EAF1: variants seen among roughly 807,000 people sequenced by gnomAD.
The protein encoded by EAF1 is ELL associated factor 1, also known as ELL-associated factor 1.
EAF1 carries 19 observed loss-of-function variants against 26.6 expected under a neutral mutation model. The ratio of observed to expected loss-of-function variants is 0.71; its 90% CI spans 0.50 to 1.05. EAF1 has a LOEUF of 1.05. EAF1 is among the 50% of genes least tolerant of loss of function. The probability of loss-of-function intolerance (pLI) is 0.00; values close to 1 mark genes in which losing one functional copy is unlikely to be tolerated. For synonymous variants in EAF1, 102 were observed against 120.6 expected (o/e 0.85, Z 1.01); for missense variants, 260 against 335.5 (o/e 0.78, Z 1.76).
rs2061867673 is a variant in EAF1, at chr3:15,441,219, C to G, written c.*2064C>G. On this transcript the variant is annotated 3_prime_UTR_variant, in exon 6 of 6. Coordinates refer to ENST00000396842, the MANE Select transcript of EAF1 (RefSeq NM_033083.7). ...CTTCAATTTTGTTCTCTGCACAAAG[C>G]CTTTGGTGGTTCTGCCCTCTGCCCT... 6.5e-6 allele frequency: 1 copy of G among 153,822 alleles called. No individual in the cohort carries two copies. The highest frequency in any genetic ancestry group is 2.1e-4 in the South Asian group (1 of 4,834). The allele number at this position is 153,822 out of a possible 1,614,324, so 9.5% of individuals were successfully genotyped here. A position where few individuals can be genotyped will look rare whatever the true frequency, so the allele number is the denominator to read the frequency against.
In EAF1 at chr3:15,440,249, ACT is replaced by A. The variant is rs1306662461; in HGVS notation, c.*1095_*1096del. The A allele has an allele frequency of 6.6e-6, 1 of 152,092 alleles. No homozygotes were observed. Among genetic ancestry groups the A allele is most frequent in the East Asian group, 1.9e-4 (1 of 5,200 alleles). 9.4% of individuals were successfully genotyped at this position (152,092 alleles called of 1,614,324 possible). A position where few individuals can be genotyped will look rare whatever the true frequency, so the allele number is the denominator to read the frequency against. The stretch of plus-strand genomic sequence containing the variant: ...GCGTATCTATTCATGCTTTTGTACC[ACT>A]GTTTTGTACCTGACTCCCTGACCGA... On this transcript the variant is annotated 3_prime_UTR_variant, in exon 6 of 6. Coordinates refer to ENST00000396842, the MANE Select transcript of EAF1 (RefSeq NM_033083.7).
intron 1 of EAF1, among the ~76,000 whole-genome samples, chr3:15,429,504 C>T (rs2061789099): frequency 6.6e-6 from 1 of 152,144 alleles, no homozygotes; most frequent in Non-Finnish European, 1.5e-5. Flanking sequence ...TACTTTTGAT[C>T]CTCACAACCC....
intron 3 of EAF1, chr3:15,433,206 GAAGT>G (rs1307346680): frequency 7.1e-6 from 1 of 141,282 alleles, no homozygotes; most frequent in Non-Finnish European, 1.5e-5. Flanking sequence ...ATGTGCTGCC[GAAGT>G]GAGTACGAAA....
At position 15,429,956 on chromosome 3, in the gene EAF1, G is replaced by A; in HGVS notation, c.147G>A (p.Glu49=). Residue 49 remains glutamate (E), a synonymous_variant, in exon 2 of 6, where the codon GAG becomes GAA. Transcript: ENST00000396842. The part of the protein sequence containing the change: ...PASIDTSCEG[E]LQVGKGDEVT... ...CTATAGACACTTCCTGTGAAGGAGAGCTTCAAGTTGGCAAAGGAGATGAAG... is the reference window on the plus strand; with the variant it reads ...CTATAGACACTTCCTGTGAAGGAGAACTTCAAGTTGGCAAAGGAGATGAAG... 6.2e-7 allele frequency: 1 copy of A among 1,613,148 alleles called. No individual in the cohort carries two copies. The highest frequency in any genetic ancestry group is 8.5e-7 in the Non-Finnish European group (1 of 1,179,762).
In EAF1 at chr3:15,436,448, T is replaced by G; in HGVS notation, c.633T>G (p.Ser211Arg). ...SSGSDDDSSS[S>R]GGEDNGPASP... ...GAAGTGATGACGATAGCTCCAGCAG[T>G]GGAGGCGAGGACAATGGCCCAGCCT... The change falls in exon 5 of 6, where the codon AGT (serine) becomes AGG (arginine). Residue 211 changes from serine (S) to arginine (R), a missense_variant. Coordinates refer to ENST00000396842, the MANE Select transcript of EAF1 (RefSeq NM_033083.7). 3 of 1,613,784 alleles carry G rather than the reference T, an allele frequency of 1.9e-6. No homozygotes were observed. The highest frequency in any genetic ancestry group is 2.5e-6 in the Non-Finnish European group (3 of 1,179,722).
At chr3:15,430,288 G>C (rs144533071) in intron 2 of EAF1, among the ~76,000 whole-genome samples, 59 of 151,856 alleles carry the variant, frequency 3.9e-4, no homozygotes, top group African/African-American at 1.1e-3. Context: ...GTGAAACCCC[G>C]TCTGTACCAA....
Position 15,427,769 on chromosome 3 carries a change from G to A in EAF1, c.-11G>A, listed in dbSNP as rs1410372985. Reference sequence around the variant, plus strand: ...AGAGCGCCGATCTGGGTGCGAGGCAGGTGCGGGGCCATGAATGGGACCGCA... The same window carrying A: ...AGAGCGCCGATCTGGGTGCGAGGCAAGTGCGGGGCCATGAATGGGACCGCA... On this transcript the variant is annotated 5_prime_UTR_variant, in exon 1 of 6. Transcript: ENST00000396842. The A allele has an allele frequency of 1.9e-6, 3 of 1,550,858 alleles. No homozygotes were observed. Among genetic ancestry groups the A allele is most frequent in the South Asian group, 2.4e-5 (2 of 84,026 alleles).
Position 15,441,225 on chromosome 3 carries a change from G to A in EAF1, c.*2070G>A, listed in dbSNP as rs2061867744. Reference sequence around the variant, plus strand: ...TTTTGTTCTCTGCACAAAGCCTTTGGTGGTTCTGCCCTCTGCCCTCCAGCT... The same window carrying A: ...TTTTGTTCTCTGCACAAAGCCTTTGATGGTTCTGCCCTCTGCCCTCCAGCT... On this transcript the variant is annotated 3_prime_UTR_variant, in exon 6 of 6. Coordinates refer to ENST00000396842, the MANE Select transcript of EAF1 (RefSeq NM_033083.7). The A allele has an allele frequency of 6.5e-6, 1 of 153,786 alleles. No individual in the cohort carries two copies. Among genetic ancestry groups the A allele is most frequent in the Non-Finnish European group, 1.5e-5 (1 of 68,140 alleles). 9.5% of individuals were successfully genotyped at this position (153,786 alleles called of 1,614,324 possible).
intron 2 of EAF1, among the ~76,000 whole-genome samples, chr3:15,431,666 A>G (rs774106422): frequency 2.6e-5 from 4 of 152,212 alleles, no homozygotes; most frequent in Non-Finnish European, 5.9e-5. Context: ...CAACCAGGAT[A>G]ATGACCTTCT....
Position 15,427,649 on chromosome 3 carries a change from G to C in EAF1, c.-131G>C. ...AACTTGCTTCTGGACCCGGGTGGGT[G>C]CCGGCTCGGCTCTCCTTGTCTTCCA... On this transcript the variant is annotated 5_prime_UTR_variant, in exon 1 of 6. Transcript: ENST00000396842. The C allele has an allele frequency of 1.1e-6, 1 of 935,614 alleles. No individual in the cohort carries two copies. The highest frequency in any genetic ancestry group is 1.6e-6 in the Non-Finnish European group (1 of 608,996). The allele number at this position is 935,614 out of a possible 1,614,324, so 58.0% of individuals were successfully genotyped here. A position where few individuals can be genotyped will look rare whatever the true frequency, so the allele number is the denominator to read the frequency against.
chr3:15,438,726 C>T (rs956627945), intron 5 of EAF1: 15 of 160,172 alleles, frequency 9.4e-5, no homozygotes, highest in East Asian at 1.8e-4. Flanking sequence ...GGTTTCGCCA[C>T]GTTGGCCAGG....
rs2061833284 is a variant in EAF1, at chr3:15,436,130, G to A, written c.527-212G>A. On this transcript the variant is annotated intron_variant, in intron 4 of 5. Transcript: ENST00000396842. ...GTCTTGCTTTTTATTTATTTTGAGT[G>A]AATTTAATGTTTCCATTGTGTCTCT... The A allele has an allele frequency of 1.5e-5, 6 of 401,618 alleles. No homozygotes were observed. The South Asian group carries it at 3.5e-4, about 24-fold the overall frequency. The allele number at this position is 401,618 out of a possible 1,614,324, so 24.9% of individuals were successfully genotyped here.
intron 3 of EAF1, among the ~76,000 whole-genome samples, chr3:15,433,791 G>A (rs2061817307): frequency 6.6e-6 from 1 of 152,180 alleles, no homozygotes; most frequent in African/African-American, 2.4e-5. Flanking sequence ...ATATGACAGT[G>A]GTCCCTTAAG....
At position 15,433,924 on chromosome 3, in the gene EAF1, A is replaced by G. The variant is rs75789806; in HGVS notation, c.336-424A>G. Reference sequence around the variant, plus strand: ...GGACATTTGGGTTTTCATGTGAAAAAATTATATGCTATATTGGTTTGCATA... The same window carrying G: ...GGACATTTGGGTTTTCATGTGAAAAGATTATATGCTATATTGGTTTGCATA... On this transcript the variant is annotated intron_variant, in intron 3 of 5. Transcript: ENST00000396842. Among the ~76,000 whole-genome samples the G allele has an allele frequency of 2.8e-3, 434 of 152,334 alleles. 3 individuals are homozygous for G. The highest frequency in any genetic ancestry group is 0.01 in the African/African-American group (426 of 41,572).
Position 15,440,128 on chromosome 3 carries a change from G to A in EAF1, c.*973G>A, listed in dbSNP as rs1419419992. 1 of 152,178 alleles carries A rather than the reference G, an allele frequency of 6.6e-6. No individual in the cohort carries two copies. Among genetic ancestry groups the A allele is most frequent in the East Asian group, 1.9e-4 (1 of 5,194 alleles). The allele number at this position is 152,178 out of a possible 1,614,324, so 9.4% of individuals were successfully genotyped here. On this transcript the variant is annotated 3_prime_UTR_variant, in exon 6 of 6. Transcript: ENST00000396842. Reference sequence around the variant, plus strand: ...GGTAGGAGTGGAAGAGAGGTGTGAAGAAACCTCTCCGAACAAATGAACCAG... The same window carrying A: ...GGTAGGAGTGGAAGAGAGGTGTGAAAAAACCTCTCCGAACAAATGAACCAG...
rs532736567 is a variant in EAF1 at position 15,433,604 on chromosome 3, G to A, written c.336-744G>A. ...AACTGATAGAATATTCTCAGCTTGG[G>A]ATGGAATTCTGCTTGTCTGCCAGCA... On this transcript the variant is annotated intron_variant, in intron 3 of 5. Coordinates refer to ENST00000396842, the MANE Select transcript of EAF1 (RefSeq NM_033083.7). 2.0e-5 allele frequency among the ~76,000 whole-genome samples: 3 copies of A among 152,362 alleles called. No homozygotes were observed. In the South Asian group the frequency reaches 6.2e-4, roughly 32 times the overall value.
intron 3 of EAF1, among the ~76,000 whole-genome samples, chr3:15,432,613 A>G (rs1436430650): frequency 6.6e-6 from 1 of 152,192 alleles, no homozygotes; most frequent in Non-Finnish European, 1.5e-5. Flanking sequence ...TACAAGATAC[A>G]TTTGAGATTA....
chr3:15,435,433 G>A (rs929116065), intron 4 of EAF1, among the ~76,000 whole-genome samples: 2 of 151,734 alleles, frequency 1.3e-5, no homozygotes, highest in Non-Finnish European at 1.5e-5. Flanking sequence ...CCTGTAGAAC[G>A]GCTGCAGACA....
At chr3:15,437,108 C>T (rs2061840373) in intron 5 of EAF1, among the ~76,000 whole-genome samples, 1 of 152,156 alleles carries the variant, frequency 6.6e-6, no homozygotes, top group Admixed American at 6.5e-5. Context: ...GTTGGCCAGG[C>T]TGGTCTCCAA....
Sources: allele counts gnomAD v4.1 joint callset (sites outside exome capture counted in the v4.1 genomes callset), GRCh38; gene constraint gnomAD v4.1.1; transcripts MANE v1.5; gene names NCBI Gene and HGNC (gene_info 2026-07-23, HGNC 2026-07-21).